Variants in PDE4B observed in about 807,000 individuals in gnomAD.
The protein encoded by PDE4B is phosphodiesterase 4B.
Under a neutral mutation model 82.2 loss-of-function variants are expected in PDE4B, and 20 were observed. The ratio of observed to expected loss-of-function variants is 0.24; its 90% CI spans 0.17 to 0.35. The LOEUF (loss-of-function observed/expected upper bound fraction) is 0.35. Among genes scored for constraint, PDE4B ranks in the 10% least tolerant of loss-of-function variants. The pLI is 1.00. For synonymous variants in PDE4B, 320 were observed against 318.9 expected (o/e 1.00, Z -0.04); for missense variants, 655 against 907.2 (o/e 0.72, Z 3.57).
intron 12 of PDE4B, among the ~76,000 whole-genome samples, chr1:66,363,797 A>G (rs1342165375): frequency 6.6e-6 from 1 of 152,132 alleles, no homozygotes; most frequent in Non-Finnish European, 1.5e-5. Context: ...AAATTTAAAA[A>G]GTGCCTTACA....
chr1:66,101,521 A>G (rs974528545), intron 3 of PDE4B, among the ~76,000 whole-genome samples: 2 of 152,300 alleles, frequency 1.3e-5, no homozygotes, highest in African/African-American at 2.4e-5. Flanking sequence ...AATGATCGCC[A>G]TTCTAACTGG....
intron 7 of PDE4B, among the ~76,000 whole-genome samples, chr1:66,274,209 A>G (rs548764102): frequency 6.6e-6 from 1 of 151,318 alleles, no homozygotes; most frequent in South Asian, 2.1e-4. Context: ...TGCCCAGGCT[A>G]GAGAGCAATG....
intron 1 of PDE4B, among the ~76,000 whole-genome samples, chr1:65,858,969 G>A (rs1346247050): frequency 6.6e-6 from 1 of 152,088 alleles, no homozygotes; most frequent in Non-Finnish European, 1.5e-5. Context: ...TTTGCACTTG[G>A]AAGTATATGA....
chr1:66,325,499 T>A (rs1022581433), intron 7 of PDE4B, among the ~76,000 whole-genome samples: 1 of 152,098 alleles, frequency 6.6e-6, no homozygotes, highest in African/African-American at 2.4e-5. Flanking sequence ...ACAAACAACT[T>A]CCCTATACAA....
intron 3 of PDE4B, among the ~76,000 whole-genome samples, chr1:66,008,491 C>T (rs534479900): frequency 1.1e-4 from 16 of 152,180 alleles, no homozygotes; most frequent in South Asian, 6.2e-4. Flanking sequence ...CACTTGTCCC[C>T]GCTGTCTCCT....
intron 3 of PDE4B, among the ~76,000 whole-genome samples, chr1:65,973,747 A>G (rs1333792102): frequency 6.6e-6 from 1 of 152,144 alleles, no homozygotes; most frequent in Non-Finnish European, 1.5e-5. Flanking sequence ...AATCTTAAAG[A>G]ATTCTAATCT....
At chr1:65,847,446 A>G (rs1176253427) in intron 1 of PDE4B, among the ~76,000 whole-genome samples, 1 of 152,240 alleles carries the variant, frequency 6.6e-6, no homozygotes, top group Admixed American at 6.5e-5. Flanking sequence ...ATATTCAAAC[A>G]TATGAGCAGA....
chr1:65,831,302 G>A (rs1646078877), intron 1 of PDE4B, among the ~76,000 whole-genome samples: 1 of 152,090 alleles, frequency 6.6e-6, no homozygotes, highest in Non-Finnish European at 1.5e-5. Context: ...TTGCAAGGCT[G>A]ATTAAGAAAA....
chr1:66,268,995 T>TATTCAC (rs1655265759), intron 7 of PDE4B, among the ~76,000 whole-genome samples: 1 of 152,228 alleles, frequency 6.6e-6, no homozygotes, highest in South Asian at 2.1e-4. Context: ...TATTTTCACA[T>TATTCAC]AGTAAGAACA....
intron 7 of PDE4B, among the ~76,000 whole-genome samples, chr1:66,295,268 T>A (rs1657421815): frequency 6.6e-6 from 1 of 152,144 alleles, no homozygotes; most frequent in South Asian, 2.1e-4. Flanking sequence ...ACTAGATTAG[T>A]GGCTTTCAAA....
chr1:65,868,819 T>C (rs1414241807), intron 1 of PDE4B, among the ~76,000 whole-genome samples: 1 of 152,202 alleles, frequency 6.6e-6, no homozygotes, highest in Admixed American at 6.5e-5. Context: ...GCAAACCCTC[T>C]TGTTAACTGT....
chr1:66,311,594 C>G (rs1195444853), intron 7 of PDE4B, among the ~76,000 whole-genome samples: 3 of 152,236 alleles, frequency 2.0e-5, no homozygotes, highest in South Asian at 4.1e-4. Context: ...TGGCTGGGAG[C>G]CTTTGACCTC....
intron 1 of PDE4B, among the ~76,000 whole-genome samples, chr1:65,830,764 C>T (rs1041739947): frequency 1.3e-5 from 2 of 152,070 alleles, no homozygotes; most frequent in Admixed American, 6.6e-5. Context: ...GAGAACAGGA[C>T]ACTAGTGGAC....
intron 1 of PDE4B, among the ~76,000 whole-genome samples, chr1:65,797,036 T>C (rs1645639432): frequency 6.6e-6 from 1 of 151,272 alleles, no homozygotes; most frequent in Non-Finnish European, 1.5e-5. Context: ...CACTGCAAGC[T>C]CCACCTCCCA....
intron 7 of PDE4B, among the ~76,000 whole-genome samples, chr1:66,294,282 A>G (rs1657336509): frequency 6.6e-6 from 1 of 152,168 alleles, no homozygotes; most frequent in African/African-American, 2.4e-5. Flanking sequence ...TAGCTCAGAG[A>G]AGATATATCT....
intron 3 of PDE4B, among the ~76,000 whole-genome samples, chr1:66,095,362 A>G (rs1271220998): frequency 6.6e-6 from 1 of 151,946 alleles, no homozygotes; most frequent in Non-Finnish European, 1.5e-5. Context: ...TGTCTAACAT[A>G]GCATTGAGTA....
intron 3 of PDE4B, among the ~76,000 whole-genome samples, chr1:65,999,036 A>G (rs1446662294): frequency 2.0e-5 from 3 of 152,122 alleles, no homozygotes; most frequent in African/African-American, 4.8e-5. Context: ...AGTCTTCAAT[A>G]TATTGGATTT....
chr1:65,811,186 G>A (rs757049336), intron 1 of PDE4B, among the ~76,000 whole-genome samples: 1 of 152,188 alleles, frequency 6.6e-6, no homozygotes, highest in Non-Finnish European at 1.5e-5. Context: ...ACCCCATGAG[G>A]CTCATATCAT....
intron 9 of PDE4B, among the ~76,000 whole-genome samples, chr1:66,358,508 C>G (rs1662452628): frequency 6.6e-6 from 1 of 152,110 alleles, no homozygotes; most frequent in Non-Finnish European, 1.5e-5. Flanking sequence ...AACCCTGTCT[C>G]TACTAAAAAT....
Sources: gnomAD v4.1 joint callset for allele counts (sites outside exome capture counted in the v4.1 genomes callset) on GRCh38, gnomAD v4.1.1 for gene constraint, MANE v1.5 for transcripts, NCBI Gene and HGNC (gene_info 2026-07-23, HGNC 2026-07-21) for gene names.